The following ANKRD30B variants were observed in gnomAD, a reference collection of about 807,000 sequenced individuals.
ANKRD30B encodes the protein ankyrin repeat domain-containing protein 30B.
ANKRD30B carries 144 observed loss-of-function variants against 202.2 expected under a neutral mutation model. The ratio of observed to expected loss-of-function variants is 0.71; its 90% CI spans 0.62 to 0.82. ANKRD30B has a LOEUF of 0.82. Ranked by LOEUF, ANKRD30B falls within the 40% of genes least tolerant of loss-of-function variation. The pLI, the probability that ANKRD30B is intolerant of heterozygous loss-of-function variation, is 0.00. For synonymous variants in ANKRD30B, 508 were observed against 561.3 expected, an observed-to-expected ratio of 0.91 and a Z score of 1.34; for missense variants, 1,487 against 1,669.1, an observed-to-expected ratio of 0.89 and a Z score of 1.90.
chr18:14,796,533 A>G, intron 18 of ANKRD30B, 118 bp downstream of exon 18: 4 of 1,229,670 alleles, frequency 3.3e-6, no homozygotes, highest in Non-Finnish European at 3.3e-6. Context: ...AAAATTTGAA[A>G]CAAATAATGC....
chr18:14,808,173 A>G (rs1300900724), intron 24 of ANKRD30B, among the ~76,000 whole-genome samples: 1 of 150,288 alleles, frequency 6.7e-6, no homozygotes, highest in Non-Finnish European at 1.5e-5. Context: ...GCATTCTACC[A>G]TTACCTAGGA....
At chr18:14,886,996 C>T in the ANKRD30B span, among the ~76,000 whole-genome samples, 4 of 152,182 alleles carry the variant, frequency 2.6e-5, no homozygotes, top group South Asian at 2.1e-4. Context: ...TTGACCTAGC[C>T]TTTTCATATA....
chr18:14,820,112 C>T (rs1970333558), intron 30 of ANKRD30B, among the ~76,000 whole-genome samples: 2 of 151,302 alleles, frequency 1.3e-5, no homozygotes, highest in African/African-American at 2.4e-5. Flanking sequence ...TTATTTTATT[C>T]TCTTTGAAGC....
the ANKRD30B span, among the ~76,000 whole-genome samples, chr18:14,860,704 C>A: frequency 1.3e-5 from 2 of 151,682 alleles, no homozygotes; most frequent in African/African-American, 4.8e-5. Flanking sequence ...AAATGCCATC[C>A]AATAATTTTT....
chr18:14,885,330 A>T, the ANKRD30B span, among the ~76,000 whole-genome samples: 1 of 152,026 alleles, frequency 6.6e-6, no homozygotes, highest in Non-Finnish European at 1.5e-5. Flanking sequence ...AGGGATGTAA[A>T]TGAAACTGCA....
chr18:14,806,146 G>T (rs1166740236), intron 24 of ANKRD30B, among the ~76,000 whole-genome samples: 2 of 149,536 alleles, frequency 1.3e-5, no homozygotes, highest in African/African-American at 5.0e-5. Context: ...CCTGAACCCG[G>T]GAGGTGGAGC....
At chr18:14,787,668 T>C (rs1451003237) in intron 15 of ANKRD30B, among the ~76,000 whole-genome samples, 1 of 152,226 alleles carries the variant, frequency 6.6e-6, no homozygotes, top group Non-Finnish European at 1.5e-5. Context: ...AGCAGTCTAT[T>C]GAAAAATATA....
At chr18:14,822,147 T>C (rs2144117594) in intron 30 of ANKRD30B, among the ~76,000 whole-genome samples, 1 of 152,284 alleles carries the variant, frequency 6.6e-6, no homozygotes, top group Admixed American at 6.5e-5. Context: ...GGGTCATGTC[T>C]TGGTCATCTT....
the ANKRD30B span, among the ~76,000 whole-genome samples, chr18:14,861,990 C>T: frequency 2.0e-4 from 31 of 152,298 alleles, no homozygotes; most frequent in East Asian, 5.0e-3. Flanking sequence ...ACTCTCAGAA[C>T]CACAGAGGTA....
At chr18:14,885,267 G>A in the ANKRD30B span, among the ~76,000 whole-genome samples, 1 of 152,052 alleles carries the variant, frequency 6.6e-6, no homozygotes, top group African/African-American at 2.4e-5. Context: ...TGGATTATGG[G>A]AGGCAAAGAC....
At chr18:14,809,035 C>T (rs1306026466) in intron 26 of ANKRD30B, among the ~76,000 whole-genome samples, 1 of 148,946 alleles carries the variant, frequency 6.7e-6, no homozygotes, top group Non-Finnish European at 1.5e-5. Context: ...AAAGAATAGA[C>T]ACAGACAAGA....
the ANKRD30B span, among the ~76,000 whole-genome samples, chr18:14,863,250 T>G: frequency 6.6e-6 from 1 of 151,630 alleles, no homozygotes; most frequent in Non-Finnish European, 1.5e-5. Flanking sequence ...ATCTTAAACG[T>G]TGGTGGTGGG....
the ANKRD30B span, among the ~76,000 whole-genome samples, chr18:14,889,454 T>C: frequency 2.0e-5 from 3 of 152,114 alleles, no homozygotes; most frequent in African/African-American, 4.8e-5. Flanking sequence ...TACTGAGCTC[T>C]GGGAATACAA....
intron 8 of ANKRD30B, among the ~76,000 whole-genome samples, chr18:14,770,633 C>T (rs572194792): frequency 3.6e-4 from 55 of 152,170 alleles, no homozygotes; most frequent in African/African-American, 1.3e-3. Context: ...CCAAAGAGAT[C>T]AGAATGTTGG....
chr18:14,887,469 TTTTA>T, the ANKRD30B span, among the ~76,000 whole-genome samples: 31 of 152,194 alleles, frequency 2.0e-4, no homozygotes, highest in African/African-American at 3.1e-4. Context: ...TTTGTAATGA[TTTTA>T]TTTATCTGAT....
At chr18:14,831,571 G>A (rs984764073) in intron 34 of ANKRD30B, 116 bp downstream of exon 34, 3 of 532,424 alleles carry the variant, frequency 5.6e-6, no homozygotes, top group Admixed American at 4.0e-5. Context: ...GTAATATAAA[G>A]TTGGTCACAT....
At chr18:14,846,600 T>G (rs1302521119) in intron 39 of ANKRD30B, among the ~76,000 whole-genome samples, 3 of 152,192 alleles carry the variant, frequency 2.0e-5, no homozygotes, top group East Asian at 3.9e-4. Flanking sequence ...TTTTGAAGCA[T>G]TTATGTTATT....
At chr18:14,927,486 T>C in the ANKRD30B span, among the ~76,000 whole-genome samples, 65 of 152,254 alleles carry the variant, frequency 4.3e-4, no homozygotes, top group African/African-American at 1.5e-3. Context: ...CTTAATCTCT[T>C]CCAACACCTT....
intron 4 of ANKRD30B, among the ~76,000 whole-genome samples, chr18:14,756,906 G>T (rs1179747825): frequency 6.6e-6 from 1 of 152,002 alleles, no homozygotes; most frequent in Non-Finnish European, 1.5e-5. Context: ...GAAAAAAAAA[G>T]CAATATTAAA....
Sources: gnomAD v4.1 joint callset for allele counts (sites outside exome capture counted in the v4.1 genomes callset) on GRCh38, gnomAD v4.1.1 for gene constraint, MANE v1.5 for transcripts, NCBI Gene and HGNC (gene_info 2026-07-23, HGNC 2026-07-21) for gene names.